The following MAGI2 variants were observed in gnomAD, a reference collection of about 807,000 sequenced individuals.
MAGI2 encodes membrane associated guanylate kinase, WW and PDZ domain containing 2, also known as membrane-associated guanylate kinase, WW and PDZ domain-containing protein 2.
A neutral mutation model predicts 133.3 loss-of-function variants in MAGI2; 35 were observed. The observed-to-expected ratio is 0.26, with a 90% confidence interval of 0.20 to 0.35. The LOEUF is 0.35. Ranked by LOEUF, MAGI2 falls within the 10% of genes least tolerant of loss-of-function variation. MAGI2 has a pLI of 1.00. For synonymous variants in MAGI2, 729 were observed against 710.6 expected (o/e 1.03, Z -0.41); for missense variants, 1,636 against 1,863.4 (o/e 0.88, Z 2.25).
chr7:78,220,705 G>C (rs1788723335), intron 10 of MAGI2, among the ~76,000 whole-genome samples: 1 of 152,122 alleles, frequency 6.6e-6, no homozygotes, highest in Non-Finnish European at 1.5e-5. Flanking sequence ...TAATAGAGTG[G>C]ACTGGAGCAA....
At chr7:78,960,152 A>T (rs1311452768) in intron 2 of MAGI2, among the ~76,000 whole-genome samples, 2 of 152,110 alleles carry the variant, frequency 1.3e-5, no homozygotes, top group African/African-American at 4.8e-5. Context: ...CTCAGAGGAG[A>T]CAGAGAAATG....
chr7:78,648,728 G>A (rs1811174971), intron 2 of MAGI2, among the ~76,000 whole-genome samples: 2 of 152,096 alleles, frequency 1.3e-5, no homozygotes, highest in South Asian at 4.1e-4. Context: ...AATATAATCA[G>A]CATTGTGTTT....
intron 3 of MAGI2, among the ~76,000 whole-genome samples, chr7:78,548,715 A>C (rs1305135889): frequency 1.3e-5 from 2 of 152,120 alleles, no homozygotes; most frequent in Non-Finnish European, 2.9e-5. Flanking sequence ...CAAAACAAAA[A>C]CAAACAAAAG....
At chr7:78,362,293 C>T (rs1792906098) in intron 7 of MAGI2, among the ~76,000 whole-genome samples, 1 of 152,096 alleles carries the variant, frequency 6.6e-6, no homozygotes, top group African/African-American at 2.4e-5. Flanking sequence ...CAGAGCGAGA[C>T]TCTGTTTCAA....
Position 78,309,213 on chromosome 7 carries a change from C to T in MAGI2, c.1408+34565G>A, listed in dbSNP as rs943802166. Among the ~76,000 whole-genome samples, 3 of 152,036 alleles carry T rather than the reference C, an allele frequency of 2.0e-5. No individual in the cohort carries two copies. The South Asian group carries it at 6.2e-4, about 31-fold the overall frequency. ...TATATGCCCAAAGGAAAATAAATCG[C>T]TCTACCAAAAAGACACATGCATTTG... On this transcript the variant is annotated intron_variant, in intron 9 of 21. Transcript: ENST00000354212.
chr7:78,126,474 C>G (rs1820994362), intron 19 of MAGI2, among the ~76,000 whole-genome samples: 1 of 152,132 alleles, frequency 6.6e-6, no homozygotes, highest in African/African-American at 2.4e-5. Context: ...TAATTTATAT[C>G]TTGGTATGTA....
chr7:79,105,436 T>G (rs892710947), intron 1 of MAGI2, among the ~76,000 whole-genome samples: 49 of 152,274 alleles, frequency 3.2e-4, no homozygotes, highest in African/African-American at 1.1e-3. Flanking sequence ...AGTAGCGATT[T>G]ACTTGCACCA....
chr7:78,507,421 A>G (rs1267200378), intron 4 of MAGI2, among the ~76,000 whole-genome samples: 1 of 152,118 alleles, frequency 6.6e-6, no homozygotes, highest in Non-Finnish European at 1.5e-5. Context: ...TAGGGGAAGA[A>G]AAGGGGAACT....
chr7:78,781,553 G>C (rs745915178), intron 2 of MAGI2, among the ~76,000 whole-genome samples: 12 of 151,964 alleles, frequency 7.9e-5, no homozygotes, highest in Non-Finnish European at 2.9e-5. Context: ...ATGCTATTGA[G>C]GGAGAAAATG....
At chr7:78,296,529 T>C (rs914638603) in intron 9 of MAGI2, among the ~76,000 whole-genome samples, 4 of 152,330 alleles carry the variant, frequency 2.6e-5, no homozygotes, top group East Asian at 3.9e-4. Context: ...GCATTCTCTC[T>C]CTCCCACTAA....
intron 2 of MAGI2, among the ~76,000 whole-genome samples, chr7:78,720,935 G>A (rs997189405): frequency 3.3e-5 from 5 of 152,048 alleles, no homozygotes; most frequent in African/African-American, 1.2e-4. Flanking sequence ...GTGATTTAAT[G>A]CCACACAGTA....
At position 78,755,232 on chromosome 7, in the gene MAGI2, G is replaced by GAA. The variant is rs1297103400; in HGVS notation, c.419-127995_419-127994dup. On this transcript the variant is annotated intron_variant, in intron 2 of 21. Transcript: ENST00000354212. ...TAACTTTTTGTAAGTATGTACGGTGGAAAAAAACACTAGACAGAAATTAGG... is the reference window on the plus strand; with the variant it reads ...TAACTTTTTGTAAGTATGTACGGTGGAAAAAAAAACACTAGACAGAAATTAGG... Among the ~76,000 whole-genome samples the GAA allele has an allele frequency of 6.6e-5, 10 of 152,240 alleles. No homozygotes were observed. In the East Asian group the frequency reaches 1.9e-3, roughly 29 times the overall value.
intron 2 of MAGI2, among the ~76,000 whole-genome samples, chr7:78,912,607 A>C (rs1798481207): frequency 6.6e-6 from 1 of 151,398 alleles, no homozygotes; most frequent in South Asian, 2.1e-4. Flanking sequence ...TGAACATTGG[A>C]CTCCAAGTTC....
chr7:79,423,224 T>A (rs28742969), intron 1 of MAGI2, among the ~76,000 whole-genome samples: 1 of 151,398 alleles, frequency 6.6e-6, no homozygotes, highest in Non-Finnish European at 1.5e-5. Flanking sequence ...ACATCATCAA[T>A]AAAAACTATA....
chr7:78,109,074 G>A (rs1168434212), intron 20 of MAGI2, among the ~76,000 whole-genome samples: 1 of 151,740 alleles, frequency 6.6e-6, no homozygotes, highest in African/African-American at 2.4e-5. Context: ...GGAGGCCGAG[G>A]CGGGCGGATC....
Position 78,995,601 on chromosome 7 carries a change from G to A in MAGI2, c.418+11489C>T, listed in dbSNP as rs73703748. Among the ~76,000 whole-genome samples the A allele has an allele frequency of 4.1e-3, 628 of 152,144 alleles. 2 individuals are homozygous for A. Among genetic ancestry groups the A allele is most frequent in the African/African-American group, 0.014 (578 of 41,532 alleles). On this transcript the variant is annotated intron_variant, in intron 2 of 21. Coordinates refer to ENST00000354212, the MANE Select transcript of MAGI2 (RefSeq NM_012301.4). Reference sequence around the variant, plus strand: ...TCAATTGTGGGTCAATTGAAGATACGTTCATATCTTCTTCACAATAAATAT... The same window carrying A: ...TCAATTGTGGGTCAATTGAAGATACATTCATATCTTCTTCACAATAAATAT...
intron 1 of MAGI2, among the ~76,000 whole-genome samples, chr7:79,284,881 G>A (rs572241275): frequency 2.6e-5 from 4 of 151,998 alleles, no homozygotes; most frequent in Non-Finnish European, 4.4e-5. Flanking sequence ...TTTAGTATCT[G>A]CACTTCGGTC....
chr7:78,740,170 A>AG, intron 2 of MAGI2, among the ~76,000 whole-genome samples: 1 of 151,742 alleles, frequency 6.6e-6, no homozygotes, highest in East Asian at 1.9e-4. Flanking sequence ...AAAAAAAAAA[A>AG]AACAAAAAAC....
At chr7:78,737,195 G>A (rs1335110685) in intron 2 of MAGI2, among the ~76,000 whole-genome samples, 1 of 152,142 alleles carries the variant, frequency 6.6e-6, no homozygotes, top group African/African-American at 2.4e-5. Flanking sequence ...CATTTGATAA[G>A]CTTCCCAATA....
Sources: gnomAD v4.1 joint callset for allele counts (sites outside exome capture counted in the v4.1 genomes callset) on GRCh38, gnomAD v4.1.1 for gene constraint, MANE v1.5 for transcripts, NCBI Gene and HGNC (gene_info 2026-07-23, HGNC 2026-07-21) for gene names.